The following NIPSNAP1 variants were observed in gnomAD, a reference collection of about 807,000 sequenced individuals.
The protein encoded by NIPSNAP1 is nipsnap homolog 1, also known as protein NipSnap homolog 1.
NIPSNAP1 carries 25 observed loss-of-function variants against 49.2 expected under a neutral mutation model. The ratio of observed to expected loss-of-function variants is 0.51; its 90% CI spans 0.37 to 0.71. The LOEUF is 0.71. NIPSNAP1 is among the 30% of genes least tolerant of loss of function. The pLI, the probability that NIPSNAP1 is intolerant of heterozygous loss-of-function variation, is 0.00. For missense variants in NIPSNAP1, 294 were observed against 361.0 expected, an observed-to-expected ratio of 0.81 and a Z score of 1.50; for synonymous variants, 143 against 140.7, an observed-to-expected ratio of 1.02 and a Z score of -0.12.
rs565707540 is a variant in NIPSNAP1, at chr22:29,555,587, C to T, written c.*348G>A. The T allele has an allele frequency of 7.0e-4, 223 of 316,668 alleles. 4 individuals carry two copies. Among genetic ancestry groups the T allele is most frequent in the South Asian group, 6.4e-3 (218 of 34,030 alleles). The allele number at this position is 316,668 out of a possible 1,614,324, so 19.6% of individuals were successfully genotyped here. On this transcript the variant is annotated 3_prime_UTR_variant, in exon 10 of 10. Coordinates refer to ENST00000216121, the MANE Select transcript of NIPSNAP1 (RefSeq NM_003634.4). ...ACTGGACATACTACCTTTTGTGCAA[C>T]TAAGCTAAACAGAGGATTTCCAAGG...
Position 29,561,345 on chromosome 22 carries a change from C to T in NIPSNAP1, c.580-143G>A, listed in dbSNP as rs898605246. The T allele has an allele frequency of 1.1e-5, 15 of 1,423,026 alleles. No homozygotes were observed. The Admixed American group carries it at 1.9e-4, about 18-fold the overall frequency. The allele number at this position is 1,423,026 out of a possible 1,614,324, so 88.1% of individuals were successfully genotyped here. Reference sequence around the variant, plus strand: ...TTGGCCTCATTCGCAGGCCCTGACACACACCTGGTGTGCATGTTTGCACAC... The same window carrying T: ...TTGGCCTCATTCGCAGGCCCTGACATACACCTGGTGTGCATGTTTGCACAC... On this transcript the variant is annotated intron_variant, in intron 6 of 9. Coordinates refer to ENST00000216121, the MANE Select transcript of NIPSNAP1 (RefSeq NM_003634.4).
chr22:29,576,013 C>CTTTT (rs35741168), intron 1 of NIPSNAP1, among the ~76,000 whole-genome samples: 1 of 138,458 alleles, frequency 7.2e-6, no homozygotes, highest in Admixed American at 7.4e-5. Context: ...CACACTTGGC[C>CTTTT]TTTTTTTTTT....
chr22:29,555,810 A>T lies in NIPSNAP1; in HGVS notation c.*125T>A, dbSNP rs2064289855. 2 of 839,470 alleles carry T rather than the reference A, an allele frequency of 2.4e-6. No homozygotes were observed. The highest frequency in any genetic ancestry group is 4.0e-6 in the Non-Finnish European group (2 of 498,514). 52.0% of individuals were successfully genotyped at this position (839,470 alleles called of 1,614,324 possible). A position where few individuals can be genotyped will look rare whatever the true frequency, so the allele number is the denominator to read the frequency against. On this transcript the variant is annotated 3_prime_UTR_variant, in exon 10 of 10. Transcript: ENST00000216121. ...CAGCCTTCAGTTCCCCCTTGTCTGA[A>T]CTGAGCACTGCCCCTCAGAGTCCTC...
intron 1 of NIPSNAP1, among the ~76,000 whole-genome samples, chr22:29,572,811 T>TAA (rs1569248755): frequency 2.5e-4 from 28 of 111,450 alleles, no homozygotes; most frequent in Admixed American, 8.6e-4. Flanking sequence ...AAAAATAAAA[T>TAA]AAAATAAAAT....
At chr22:29,566,393 A>G (rs528495728) in intron 4 of NIPSNAP1, among the ~76,000 whole-genome samples, 57 of 152,182 alleles carry the variant, frequency 3.7e-4, no homozygotes, top group Middle Eastern at 3.4e-3. Flanking sequence ...ATGGTATTCA[A>G]TCACGGCCTC....
In NIPSNAP1 at chr22:29,581,019, G is replaced by T; in HGVS notation, c.64C>A (p.Arg22Ser). 6.5e-7 allele frequency: 1 copy of T among 1,535,898 alleles called. No homozygotes were observed. The highest frequency in any genetic ancestry group is 8.7e-7 in the Non-Finnish European group (1 of 1,144,888). The change falls in exon 1 of 10, where the codon CGC becomes AGC. Residue 22 changes from arginine to serine, a missense_variant. Around this residue, in one of 4 missense-constraint regions of NIPSNAP1, gnomAD observed 88 missense variants for 76.1 expected, o/e 1.16. Transcript: ENST00000216121. ...ARRLLGGPGP[R>S]AGDVASAAAA... ...GCTGCAGACGCAACGTCCCCAGCGC[G>T]AGGCCCCGGGCCCCCCAGCAGCCGC...
At position 29,576,509 on chromosome 22, in the gene NIPSNAP1, A is replaced by G. The variant is rs547047800; in HGVS notation, c.98+4476T>C. 8.0e-4 allele frequency among the ~76,000 whole-genome samples: 122 copies of G among 151,636 alleles called. 2 individuals are homozygous for G. In the South Asian group the frequency reaches 0.025, roughly 31 times the overall value. ...CTGTTGTATCCCTGCTGTATCCCCT[A>G]TGCTTGGAGCAGTGCTGGGCACATG... is the stretch of plus-strand genomic sequence containing the variant. On this transcript the variant is annotated intron_variant, in intron 1 of 9. Transcript: ENST00000216121.
Position 29,561,524 on chromosome 22 carries a change from C to G in NIPSNAP1, c.561G>C (p.Leu187=). The G allele has an allele frequency of 1.9e-6, 3 of 1,614,086 alleles. No homozygotes were observed. Among genetic ancestry groups the G allele is most frequent in the Non-Finnish European group, 2.5e-6 (3 of 1,180,002 alleles). The part of the protein sequence containing the change: ...QPRMGPNIYE[L]RTYKLKPGTM... ...GAGGCACCTTGAGCTTGTATGTCCT[C>G]AGCTCATAGATGTTGGGACCCATTC... Residue 187 remains leucine (L), a synonymous_variant, in exon 6 of 10, where the codon CTG becomes CTC. Coordinates refer to ENST00000216121, the MANE Select transcript of NIPSNAP1 (RefSeq NM_003634.4).
chr22:29,573,525 T>G (rs2064426393), intron 1 of NIPSNAP1, among the ~76,000 whole-genome samples: 1 of 151,856 alleles, frequency 6.6e-6, no homozygotes, highest in African/African-American at 2.4e-5. Flanking sequence ...TCCCAACACT[T>G]TAGGAGGCCA....
chr22:29,576,994 T>C (rs2064457739), intron 1 of NIPSNAP1, among the ~76,000 whole-genome samples: 1 of 151,160 alleles, frequency 6.6e-6, no homozygotes, highest in Non-Finnish European at 1.5e-5. Context: ...CTTTCCATCC[T>C]TAACACCAAC....
At chr22:29,572,810 A>AAAAAG in intron 1 of NIPSNAP1, among the ~76,000 whole-genome samples, 1 of 151,470 alleles carries the variant, frequency 6.6e-6, no homozygotes, top group African/African-American at 2.4e-5. Context: ...AAAAAATAAA[A>AAAAAG]TAAAATAAAA....
At chr22:29,572,240 T>G (rs1202841618) in intron 1 of NIPSNAP1, among the ~76,000 whole-genome samples, 1 of 145,888 alleles carries the variant, frequency 6.9e-6, no homozygotes, top group East Asian at 2.1e-4. Flanking sequence ...GAGGCAGAGG[T>G]TGCAGTGAGC....
intron 4 of NIPSNAP1, 55 bp downstream of exon 4, chr22:29,569,138 T>C (rs2064388170): frequency 6.9e-7 from 1 of 1,446,370 alleles, no homozygotes; most frequent in African/African-American, 1.4e-5. Flanking sequence ...GTGTGAAAGG[T>C]GCTGGAGGCC....
chr22:29,558,770 C>T, intron 9 of NIPSNAP1, 100 bp downstream of exon 9: 1 of 904,388 alleles, frequency 1.1e-6, no homozygotes. Context: ...AGTGAGTTCC[C>T]CATCACTGGA....
At position 29,575,364 on chromosome 22, in the gene NIPSNAP1, TCA is replaced by T. The variant is rs574263990; in HGVS notation, c.99-4834_99-4833del. 2.4e-3 allele frequency among the ~76,000 whole-genome samples: 370 copies of T among 152,240 alleles called. 4 individuals are homozygous for T. The highest frequency in any genetic ancestry group is 8.7e-3 in the African/African-American group (363 of 41,544). On this transcript the variant is annotated intron_variant, in intron 1 of 9. Coordinates refer to ENST00000216121, the MANE Select transcript of NIPSNAP1 (RefSeq NM_003634.4). ...CTCTAATCCTTCCTGCCTGTGGGCCTCAGTTTCCCCATCTGTCAAATGAGCAG... is the reference window on the plus strand; with the variant it reads ...CTCTAATCCTTCCTGCCTGTGGGCCTGTTTCCCCATCTGTCAAATGAGCAG...
rs1163296660 is a variant in NIPSNAP1, at chr22:29,576,247, T to C, written c.98+4738A>G. Among the ~76,000 whole-genome samples, 11 of 150,990 alleles carry C rather than the reference T, an allele frequency of 7.3e-5. 1 individual carries two copies. Among genetic ancestry groups the C allele is most frequent in the African/African-American group, 2.7e-4 (11 of 40,368 alleles). ...GTTGGTCAGGCTGGTCTCGAACTCC[T>C]GACCTCAAGTGATCTGCCTGACTTG... On this transcript the variant is annotated intron_variant, in intron 1 of 9. Transcript: ENST00000216121.
chr22:29,574,779 CAAAA>C (rs56971788), intron 1 of NIPSNAP1, among the ~76,000 whole-genome samples: 4 of 102,710 alleles, frequency 3.9e-5, no homozygotes, highest in Admixed American at 1.1e-4. Flanking sequence ...AACTCTGTCT[CAAAA>C]AAAAAAAAAA....
chr22:29,570,563 C>T (rs374785221), intron 1 of NIPSNAP1, 31 bp from the exon 2 acceptor site: 27 of 1,604,648 alleles, frequency 1.7e-5, no homozygotes, highest in Middle Eastern at 1.7e-4. Context: ...GGGGGACGCG[C>T]GGAGGTTGGG....
Position 29,570,494 on chromosome 22 carries a change from G to C in NIPSNAP1, c.137C>G (p.Ser46Cys). The C allele has an allele frequency of 6.2e-7, 1 of 1,614,144 alleles. No individual in the cohort carries two copies. Among genetic ancestry groups the C allele is most frequent in the Non-Finnish European group, 8.5e-7 (1 of 1,180,006 alleles). The change falls in exon 2 of 10, where the codon TCC becomes TGC. Residue 46 changes from serine to cysteine, a missense_variant. Transcript: ENST00000216121. Reference protein sequence around the residue: ...SKDNEGSWFRSLFVHKVDPRK... With the variant: ...SKDNEGSWFRCLFVHKVDPRK... ...GGGATCCACTTTGTGAACAAAGAGG[G>C]AGCGGAACCAGCTGCCTTCATTGTC...
Sources: allele counts gnomAD v4.1 joint callset (sites outside exome capture counted in the v4.1 genomes callset), GRCh38; gene constraint gnomAD v4.1.1; regional missense constraint gnomAD v4.1.1; transcripts MANE v1.5; gene names NCBI Gene and HGNC (gene_info 2026-07-23, HGNC 2026-07-21).